The following LSP1 variants were observed in gnomAD, a reference collection of about 807,000 sequenced individuals.
LSP1 encodes lymphocyte specific protein 1, also known as lymphocyte-specific protein 1.
In LSP1, 32 loss-of-function variants were observed where a neutral mutation model predicts 49.3. That is an observed-to-expected ratio of 0.65 (90% confidence interval 0.49 to 0.87). The LOEUF is 0.87. Ranked by LOEUF, LSP1 falls within the 40% of genes least tolerant of loss-of-function variation. LSP1 has a pLI of 0.00. For synonymous variants in LSP1, 179 were observed against 178.8 expected (o/e 1.00, Z -0.01); for missense variants, 428 against 442.6 (o/e 0.97, Z 0.30).
intron 1 of LSP1, among the ~76,000 whole-genome samples, chr11:1,862,480 CTGGCTGTCTG>C (rs1200293573): frequency 6.6e-6 from 1 of 152,164 alleles, no homozygotes; most frequent in Non-Finnish European, 1.5e-5. Flanking sequence ...CATTTCATTC[CTGGCTGTCTG>C]TGGCTGGGAC....
chr11:1,868,088 C>G (rs1174495024), intron 1 of LSP1, among the ~76,000 whole-genome samples: 1 of 152,226 alleles, frequency 6.6e-6, no homozygotes, highest in Non-Finnish European at 1.5e-5. Context: ...CCAGGGCCAG[C>G]TCGGGCAAGG....
At chr11:1,868,155 AC>A (rs1402997293) in intron 1 of LSP1, among the ~76,000 whole-genome samples, 3 of 152,200 alleles carry the variant, frequency 2.0e-5, no homozygotes, top group Admixed American at 6.5e-5. Context: ...TCAACTCCAG[AC>A]GTCACCCGGA....
chr11:1,890,565 G>C (rs1358615713), intron 10 of LSP1: 3 of 710,198 alleles, frequency 4.2e-6, no homozygotes, highest in Non-Finnish European at 7.8e-6. Context: ...GGGTGCCATC[G>C]ACGCAGCCGA....
chr11:1,880,064 T>C (rs1384200517), intron 1 of LSP1, 23 bp from the exon 2 acceptor site: 2 of 1,605,270 alleles, frequency 1.2e-6, no homozygotes, highest in Admixed American at 1.7e-5. Flanking sequence ...GTGGCGTGAC[T>C]GTCCCTCTGT....
chr11:1,878,558 G>A (rs1262356139), intron 1 of LSP1, among the ~76,000 whole-genome samples: 1 of 152,104 alleles, frequency 6.6e-6, no homozygotes, highest in Non-Finnish European at 1.5e-5. Context: ...AGTGGGCCTT[G>A]AACTCGGGCC....
chr11:1,890,934 G>T, intron 10 of LSP1: 1 of 240,470 alleles, frequency 4.2e-6, no homozygotes, highest in Non-Finnish European at 8.2e-6. Context: ...CACCGTGTGG[G>T]CTGGGGTGGG....
rs1848791457 is a variant in LSP1 at position 1,887,236 on chromosome 11, G to A, written c.853-1G>A. The A allele has an allele frequency of 6.4e-7, 1 of 1,565,184 alleles. No homozygotes were observed. On this transcript the variant is annotated splice_acceptor_variant, in intron 8 of 10. Coordinates refer to ENST00000311604, the MANE Select transcript of LSP1 (RefSeq NM_002339.3). LOFTEE classifies it high-confidence loss of function. ...GTGACATACCCTTCTGCTGCCCCCA[G>A]GATATTGTGGCTGGAGACATGAGCA...
intron 1 of LSP1, chr11:1,859,552 G>A (rs1879667): frequency 0.084 from 13,042 of 154,520 alleles, 1,039 homozygotes; most frequent in African/African-American, 0.21. Flanking sequence ...AAAGCAATGG[G>A]ACTTGGGATA....
intron 1 of LSP1, chr11:1,870,152 T>C: frequency 3.2e-6 from 2 of 626,714 alleles, no homozygotes; most frequent in Non-Finnish European, 5.4e-6. Context: ...GGACCTCTGG[T>C]GCAGAGGACC....
intron 1 of LSP1, among the ~76,000 whole-genome samples, chr11:1,879,541 C>G (rs759191833): frequency 3.9e-5 from 6 of 152,208 alleles, no homozygotes; most frequent in Non-Finnish European, 7.3e-5. Context: ...TGGACGTGCT[C>G]AGGCCCTCCT....
chr11:1,881,377 C>A, intron 2 of LSP1, 55 bp from the exon 3 acceptor site: 1 of 1,500,444 alleles, frequency 6.7e-7, no homozygotes, highest in South Asian at 1.3e-5. Context: ...AGTGTGGGCC[C>A]TGGGCAGAGG....
At chr11:1,886,380 T>C (rs112907808) in intron 7 of LSP1, among the ~76,000 whole-genome samples, 38,173 of 151,900 alleles carry the variant, frequency 0.25, 5,358 homozygotes, top group South Asian at 0.37. Context: ...TAATCAATGC[T>C]CCTCCATCCA....
intron 1 of LSP1, among the ~76,000 whole-genome samples, chr11:1,874,092 C>G (rs551301411): frequency 0.019 from 122 of 6,580 alleles, 1 homozygote; most frequent in East Asian, 0.033. Flanking sequence ...GCCGGCAGAG[C>G]AGGGAGGCCG....
chr11:1,887,000 T>C, intron 8 of LSP1, 134 bp downstream of exon 8: 1 of 1,188,054 alleles, frequency 8.4e-7, no homozygotes, highest in South Asian at 1.6e-5. Flanking sequence ...CCTGAGGTAT[T>C]GCAGTAGGGT....
chr11:1,877,107 G>C (rs1848343469), intron 1 of LSP1, among the ~76,000 whole-genome samples: 1 of 152,228 alleles, frequency 6.6e-6, no homozygotes, highest in Non-Finnish European at 1.5e-5. Flanking sequence ...CCAGAGTCCT[G>C]ACAGCTCCGT....
intron 1 of LSP1, among the ~76,000 whole-genome samples, chr11:1,878,992 C>T (rs1445942184): frequency 6.6e-6 from 1 of 152,160 alleles, no homozygotes; most frequent in African/African-American, 2.4e-5. Context: ...CCCCAAGAAG[C>T]CATGGTTTCA....
chr11:1,860,849 T>TATGGGTGGATGAGTAG (rs57775872), intron 1 of LSP1, among the ~76,000 whole-genome samples: 1 of 151,736 alleles, frequency 6.6e-6, no homozygotes, highest in Admixed American at 6.6e-5. Flanking sequence ...TGGAATTATG[T>TATGGGTGGATGAGTAG]ATGGGTGGAT....
intron 1 of LSP1, chr11:1,869,865 G>A (rs1589813800): frequency 2.2e-6 from 1 of 458,358 alleles, no homozygotes; most frequent in Non-Finnish European, 4.5e-6. Context: ...GACCCCCTGG[G>A]TCAGGACCCT....
chr11:1,858,743 C>T (rs1427984217), intron 1 of LSP1, among the ~76,000 whole-genome samples: 1 of 152,220 alleles, frequency 6.6e-6, no homozygotes, highest in East Asian at 1.9e-4. Flanking sequence ...TCCCCAACAT[C>T]TAGGGACCTG....
Sources: gnomAD v4.1 joint callset for allele counts (sites outside exome capture counted in the v4.1 genomes callset) on GRCh38, gnomAD v4.1.1 for gene constraint, MANE v1.5 for transcripts, NCBI Gene and HGNC (gene_info 2026-07-23, HGNC 2026-07-21) for gene names.